The following SYCP2L variants were observed in gnomAD, a reference collection of about 807,000 sequenced individuals.
The protein encoded by SYCP2L is synaptonemal complex protein 2 like, also known as synaptonemal complex protein 2-like.
A neutral mutation model predicts 125.8 loss-of-function variants in SYCP2L; 98 were observed. The observed-to-expected ratio is 0.78, with a 90% CI of 0.66 to 0.92. SYCP2L has a LOEUF of 0.92. Ranked by LOEUF, SYCP2L falls within the 40% of genes least tolerant of loss-of-function variation. The pLI, the probability that SYCP2L is intolerant of heterozygous loss-of-function variation, is 0.00. For synonymous variants in SYCP2L, 317 were observed against 325.4 expected (o/e 0.97, Z 0.28); for missense variants, 842 against 936.4 (o/e 0.90, Z 1.32).
chr6:10,924,790 G>T (rs2113346048), intron 15 of SYCP2L, 149 bp downstream of exon 15: 3 of 735,286 alleles, frequency 4.1e-6, no homozygotes, highest in African/African-American at 1.8e-5. Flanking sequence ...TGAGAGTTCT[G>T]GATTTAAATC....
chr6:10,920,214 TGTTTG>T (rs982398598), intron 14 of SYCP2L, among the ~76,000 whole-genome samples: 2 of 152,136 alleles, frequency 1.3e-5, no homozygotes, highest in African/African-American at 2.4e-5. Flanking sequence ...CTTTTTGTTT[TGTTTG>T]GTTTGGTTTG....
intron 6 of SYCP2L, among the ~76,000 whole-genome samples, chr6:10,900,739 C>T (rs1455742193): frequency 1.3e-5 from 2 of 152,192 alleles, no homozygotes; most frequent in African/African-American, 4.8e-5. Flanking sequence ...CCAAAGGCTG[C>T]ATCTCAAATA....
Position 10,910,881 on chromosome 6 carries a change from C to T in SYCP2L, c.918+12C>T. On this transcript the variant is annotated intron_variant, in intron 12 of 29. Transcript: ENST00000283141. The stretch of plus-strand genomic sequence containing the variant: ...CTGATGAGCATGAGGTATGTTCATC[C>T]CTCTTGGAGGTCCTGAGGGCGGTGT... 2 of 1,613,456 alleles carry T rather than the reference C, an allele frequency of 1.2e-6. No homozygotes were observed. The highest frequency in any genetic ancestry group is 1.6e-4 in the Middle Eastern group (1 of 6,062).
intron 11 of SYCP2L, among the ~76,000 whole-genome samples, chr6:10,910,448 AT>A (rs1316161779): frequency 2.0e-5 from 3 of 152,212 alleles, no homozygotes; most frequent in Non-Finnish European, 4.4e-5. Context: ...GTATTTTAAA[AT>A]AATACATTCT....
At chr6:10,910,410 A>G (rs1218328826) in intron 11 of SYCP2L, among the ~76,000 whole-genome samples, 2 of 152,152 alleles carry the variant, frequency 1.3e-5, no homozygotes, top group East Asian at 1.9e-4. Flanking sequence ...AATTACCTCT[A>G]TCAGTTTTAT....
chr6:10,952,395 T>C (rs777925161), intron 23 of SYCP2L, among the ~76,000 whole-genome samples: 1 of 152,178 alleles, frequency 6.6e-6, no homozygotes, highest in Non-Finnish European at 1.5e-5. Flanking sequence ...GTTAGTAGGT[T>C]CACAAATTCC....
chr6:10,970,457 C>G (rs577511892), intron 29 of SYCP2L, among the ~76,000 whole-genome samples: 1 of 152,162 alleles, frequency 6.6e-6, no homozygotes, highest in South Asian at 2.1e-4. Context: ...AGTCAAAGGA[C>G]TATTTTCGAA....
At chr6:10,921,599 G>A (rs768917439) in intron 14 of SYCP2L, among the ~76,000 whole-genome samples, 16 of 152,030 alleles carry the variant, frequency 1.1e-4, no homozygotes, top group South Asian at 2.1e-4. Context: ...TCTCATTGTG[G>A]TTTTGATTTG....
chr6:10,927,141 G>A, intron 16 of SYCP2L, 99 bp from the exon 17 acceptor site: 7 of 1,524,056 alleles, frequency 4.6e-6, no homozygotes, highest in Non-Finnish European at 6.2e-6. Context: ...TCTTACCAAA[G>A]GATGGAGAGG....
intron 14 of SYCP2L, among the ~76,000 whole-genome samples, chr6:10,915,209 G>A (rs1220288190): frequency 1.3e-5 from 2 of 152,182 alleles, no homozygotes; most frequent in African/African-American, 4.8e-5. Context: ...TCAGTTCAAG[G>A]AGCTTTCTGG....
chr6:10,952,899 A>G (rs1394635974), intron 23 of SYCP2L, among the ~76,000 whole-genome samples: 1 of 152,196 alleles, frequency 6.6e-6, no homozygotes, highest in East Asian at 1.9e-4. Flanking sequence ...TCTAAGTGCA[A>G]TGAGAAGAAA....
At chr6:10,932,562 C>T in intron 20 of SYCP2L, among the ~76,000 whole-genome samples, 1 of 151,248 alleles carries the variant, frequency 6.6e-6, no homozygotes, top group East Asian at 1.9e-4. Context: ...GTGTGTTGCC[C>T]TCTGTCCACC....
chr6:10,932,278 C>T (rs1427027269), intron 20 of SYCP2L, among the ~76,000 whole-genome samples: 2 of 152,070 alleles, frequency 1.3e-5, no homozygotes, highest in Admixed American at 6.5e-5. Context: ...TGTTTTATAT[C>T]AGAGTAGTTA....
chr6:10,914,743 T>G (rs1356451565), intron 14 of SYCP2L, among the ~76,000 whole-genome samples: 2 of 148,468 alleles, frequency 1.3e-5, no homozygotes, highest in Non-Finnish European at 3.0e-5. Context: ...CCTAAGTTTT[T>G]TTTTTTTTTT....
At chr6:10,959,032 TC>T (rs1404754474) in intron 26 of SYCP2L, among the ~76,000 whole-genome samples, 157 bp downstream of exon 26, 1 of 152,186 alleles carries the variant, frequency 6.6e-6, no homozygotes, top group African/African-American at 2.4e-5. Context: ...GGTTCTTCAT[TC>T]ATATGAAAAG....
At chr6:10,893,786 T>A in intron 2 of SYCP2L, 81 bp from the exon 3 acceptor site, 1 of 1,441,046 alleles carries the variant, frequency 6.9e-7, no homozygotes. Flanking sequence ...GAATTCTTAT[T>A]GATAATGAGA....
At chr6:10,906,309 GA>G (rs60239209) in intron 9 of SYCP2L, among the ~76,000 whole-genome samples, 32 of 147,990 alleles carry the variant, frequency 2.2e-4, no homozygotes, top group East Asian at 1.2e-3. Flanking sequence ...TGTTTTTAAA[GA>G]AAAAAAAAAC....
chr6:10,964,510 T>C (rs1781646405), intron 29 of SYCP2L, among the ~76,000 whole-genome samples: 1 of 152,164 alleles, frequency 6.6e-6, no homozygotes, highest in African/African-American at 2.4e-5. Flanking sequence ...AATCTGAAAT[T>C]CACAATGCTC....
At chr6:10,964,982 C>G (rs762157414) in intron 29 of SYCP2L, among the ~76,000 whole-genome samples, 43 of 152,182 alleles carry the variant, frequency 2.8e-4, no homozygotes, top group African/African-American at 1.0e-3. Context: ...AGACTCTCAA[C>G]GAGGTAAGAC....
Sources: allele counts gnomAD v4.1 joint callset (sites outside exome capture counted in the v4.1 genomes callset), GRCh38; gene constraint gnomAD v4.1.1; transcripts MANE v1.5; gene names NCBI Gene and HGNC (gene_info 2026-07-23, HGNC 2026-07-21).